Variants in GRB10 observed in about 807,000 individuals in gnomAD.
GRB10 encodes the protein growth factor receptor-bound protein 10.
A neutral mutation model predicts 80.9 loss-of-function variants in GRB10; 20 were observed. The observed-to-expected ratio is 0.25, with a 90% CI of 0.17 to 0.36. The LOEUF (loss-of-function observed/expected upper bound fraction) is 0.36. Among genes scored for constraint, GRB10 ranks in the 10% least tolerant of loss-of-function variants. The pLI, the probability that GRB10 is intolerant of heterozygous loss-of-function variation, is 1.00. For missense variants in GRB10, 548 were observed against 747.7 expected, an observed-to-expected ratio of 0.73 and a Z score of 3.12; for synonymous variants, 291 against 291.5, an observed-to-expected ratio of 1.00 and a Z score of 0.02.
chr7:50,747,838 G>A (rs1047762381), intron 3 of GRB10, among the ~76,000 whole-genome samples: 1 of 150,300 alleles, frequency 6.7e-6, no homozygotes, highest in Admixed American at 6.6e-5. Flanking sequence ...AGTAGAAGGA[G>A]GGCGTCTCCA....
intron 13 of GRB10, 117 bp from the exon 14 acceptor site, chr7:50,606,531 A>C (rs1585572361): frequency 3.9e-6 from 3 of 765,746 alleles, no homozygotes. Context: ...GATGCCCTGT[A>C]CCAGCCTCCA....
At chr7:50,644,385 G>A (rs529450407) in intron 7 of GRB10, among the ~76,000 whole-genome samples, 1 of 151,732 alleles carries the variant, frequency 6.6e-6, no homozygotes, top group Non-Finnish European at 1.5e-5. Context: ...CAGGGACACA[G>A]ATAGGGAAGG....
At chr7:50,665,128 T>C (rs1309452601) in intron 7 of GRB10, among the ~76,000 whole-genome samples, 1 of 152,204 alleles carries the variant, frequency 6.6e-6, no homozygotes, top group Non-Finnish European at 1.5e-5. Flanking sequence ...TGCTGTCACC[T>C]CTAACAGACA....
intron 2 of GRB10, among the ~76,000 whole-genome samples, chr7:50,763,600 G>T (rs1269375267): frequency 6.6e-6 from 1 of 152,166 alleles, no homozygotes; most frequent in Admixed American, 6.5e-5. Context: ...AGAAAAACTG[G>T]AAGCAACCTA....
At chr7:50,697,561 A>G (rs1231178831) in intron 5 of GRB10, among the ~76,000 whole-genome samples, 1 of 152,224 alleles carries the variant, frequency 6.6e-6, no homozygotes, top group Non-Finnish European at 1.5e-5. Flanking sequence ...CTTTTATTCT[A>G]AACATCAGGT....
chr7:50,714,868 G>C (rs997580119), intron 4 of GRB10, among the ~76,000 whole-genome samples: 1 of 152,096 alleles, frequency 6.6e-6, no homozygotes, highest in African/African-American at 2.4e-5. Context: ...AACAGAGCCA[G>C]GGTTGCCCTC....
chr7:50,664,069 C>T (rs1477187361), intron 7 of GRB10, among the ~76,000 whole-genome samples: 1 of 152,192 alleles, frequency 6.6e-6, no homozygotes, highest in Non-Finnish European at 1.5e-5. Flanking sequence ...GGCTGATGGG[C>T]GGTGGCTGTG....
At chr7:50,734,128 C>A (rs1042201521) in intron 3 of GRB10, among the ~76,000 whole-genome samples, 3 of 152,086 alleles carry the variant, frequency 2.0e-5, no homozygotes, top group African/African-American at 7.2e-5. Context: ...CAGGCCGTCA[C>A]CCCTAGCCGT....
intron 4 of GRB10, among the ~76,000 whole-genome samples, chr7:50,716,091 G>A (rs1170378869): frequency 2.0e-5 from 3 of 152,200 alleles, no homozygotes; most frequent in Admixed American, 2.0e-4. Flanking sequence ...GAGGATTAAT[G>A]ACGCATGCAT....
intron 5 of GRB10, among the ~76,000 whole-genome samples, chr7:50,688,758 A>T (rs1294909342): frequency 8.3e-6 from 1 of 120,910 alleles, no homozygotes; most frequent in East Asian, 2.8e-4. Context: ...AGAGGCAGGC[A>T]GTGAGTGACA....
intron 5 of GRB10, among the ~76,000 whole-genome samples, chr7:50,703,508 T>C (rs553177974): frequency 2.6e-5 from 4 of 152,250 alleles, no homozygotes; most frequent in Admixed American, 2.6e-4. Context: ...AATGCCAAAA[T>C]CAAGAGGATT....
At chr7:50,775,786 T>G (rs1337966072) in intron 2 of GRB10, among the ~76,000 whole-genome samples, 1 of 152,204 alleles carries the variant, frequency 6.6e-6, no homozygotes, top group Non-Finnish European at 1.5e-5. Flanking sequence ...ACTTGCAGAC[T>G]TAGCGCCATG....
intron 11 of GRB10, among the ~76,000 whole-genome samples, chr7:50,615,423 C>T (rs545692251): frequency 1.3e-5 from 2 of 152,340 alleles, no homozygotes; most frequent in African/African-American, 2.4e-5. Context: ...AGCTACCATG[C>T]CCTGTGTCAG....
intron 5 of GRB10, among the ~76,000 whole-genome samples, chr7:50,679,016 A>G (rs769585745): frequency 3.9e-5 from 6 of 152,260 alleles, no homozygotes; most frequent in Non-Finnish European, 5.9e-5. Flanking sequence ...GAAGAAAAAA[A>G]TAATTTTATA....
intron 7 of GRB10, among the ~76,000 whole-genome samples, chr7:50,655,620 C>T (rs2058568846): frequency 6.6e-6 from 1 of 152,246 alleles, no homozygotes; most frequent in Non-Finnish European, 1.5e-5. Context: ...TGCATCCCAA[C>T]CGGCTATCCC....
At chr7:50,617,835 C>T (rs1205752133) in intron 10 of GRB10, 3 of 589,102 alleles carry the variant, frequency 5.1e-6, no homozygotes, top group East Asian at 2.9e-5. Context: ...GCAAGGGCAT[C>T]GTGTAAGTGC....
chr7:50,776,043 T>C (rs2077601485), intron 2 of GRB10, among the ~76,000 whole-genome samples: 1 of 152,198 alleles, frequency 6.6e-6, no homozygotes, highest in Admixed American at 6.5e-5. Flanking sequence ...TGATAATCTC[T>C]GAAATGCCTT....
chr7:50,624,173 C>T (rs112372829), intron 8 of GRB10, among the ~76,000 whole-genome samples: 325 of 152,312 alleles, frequency 2.1e-3, no homozygotes, highest in Non-Finnish European at 3.7e-3. Flanking sequence ...CCCCAGCCAC[C>T]AGCCTGGCGT....
intron 5 of GRB10, among the ~76,000 whole-genome samples, chr7:50,682,244 C>T (rs945167487): frequency 6.6e-6 from 1 of 152,236 alleles, no homozygotes; most frequent in Non-Finnish European, 1.5e-5. Context: ...CCCCTTTGTC[C>T]AGAGTGTGGT....
Sources: allele counts gnomAD v4.1 joint callset (sites outside exome capture counted in the v4.1 genomes callset), GRCh38; gene constraint gnomAD v4.1.1; transcripts MANE v1.5; gene names NCBI Gene and HGNC (gene_info 2026-07-23, HGNC 2026-07-21).